The following CTSB variants were observed in gnomAD, a reference collection of about 807,000 sequenced individuals.
CTSB encodes the protein APP secretase.
A neutral mutation model predicts 44.3 loss-of-function variants in CTSB; 57 were observed. That is an observed-to-expected ratio of 1.29 (90% confidence interval 1.04 to 1.60). The LOEUF (loss-of-function observed/expected upper bound fraction) is 1.60. CTSB is among the 40% of genes most tolerant of loss of function. The pLI, the probability that CTSB is intolerant of heterozygous loss-of-function variation, is 0.00. For missense variants in CTSB, 768 were observed against 443.0 expected, an observed-to-expected ratio of 1.73 and a Z score of -6.59; for synonymous variants, 320 against 168.0, an observed-to-expected ratio of 1.91 and a Z score of -7.00.
At position 11,844,764 on chromosome 8, in the gene CTSB, G is replaced by A. The variant is rs759983405; in HGVS notation, c.*361C>T. The A allele has an allele frequency of 4.0e-5, 8 of 202,014 alleles. No individual in the cohort carries two copies. The East Asian group carries it at 6.9e-4, about 17-fold the overall frequency. 12.5% of individuals were successfully genotyped at this position (202,014 alleles called of 1,614,324 possible). A position where few individuals can be genotyped will look rare whatever the true frequency, so the allele number is the denominator to read the frequency against. ...TGGAGGTACTGGGGGAACTGATGGG[G>A]GAACTTTCATCCTGTTAGGAACTCC... On this transcript the variant is annotated 3_prime_UTR_variant, in exon 10 of 10. Transcript: ENST00000353047.
At chr8:11,847,979 C>G in intron 6 of CTSB, 88 bp downstream of exon 6, 1 of 1,369,984 alleles carries the variant, frequency 7.3e-7, no homozygotes. Context: ...CTGTCTCAAC[C>G]CCCAGTTTAT....
At position 11,868,023 on chromosome 8, in the gene CTSB, G is replaced by C. The variant is rs1395361945; in HGVS notation, c.-48C>G. On this transcript the variant is annotated 5_prime_UTR_variant, in exon 1 of 10. Transcript: ENST00000353047. ...CACCCAGCGCTGCAGCCGAGAGCCT[G>C]CAGCCCAGCCTGCGCGCAGCGGAGC... 6.6e-6 allele frequency: 1 copy of C among 152,618 alleles called. No individual in the cohort carries two copies. The highest frequency in any genetic ancestry group is 1.5e-5 in the Non-Finnish European group (1 of 68,422). 9.5% of individuals were successfully genotyped at this position (152,618 alleles called of 1,614,324 possible).
At chr8:11,848,927 C>A (rs1813981697) in intron 5 of CTSB, 119 bp downstream of exon 5, 4 of 702,502 alleles carry the variant, frequency 5.7e-6, no homozygotes, top group Non-Finnish European at 9.7e-6. Context: ...CTCGGAGTCT[C>A]CCCGAAACAC....
At chr8:11,847,546 A>C (rs1586095299) in intron 7 of CTSB, 133 bp downstream of exon 7, 2 of 974,544 alleles carry the variant, frequency 2.1e-6, no homozygotes, top group East Asian at 2.6e-5. Context: ...AGAGGGCATC[A>C]CTCCCCCTCC....
intron 1 of CTSB, chr8:11,861,348 C>G (rs1029932026): frequency 3.3e-5 from 5 of 152,550 alleles, no homozygotes; most frequent in African/African-American, 1.2e-4. Context: ...AAGCCCCACT[C>G]CACCTCCCTC....
intron 1 of CTSB, chr8:11,864,443 G>A (rs1386044593): frequency 6.6e-6 from 1 of 151,928 alleles, no homozygotes; most frequent in African/African-American, 2.4e-5. Context: ...GTGAGCCGTG[G>A]TCGCACCACT....
At chr8:11,855,690 G>A (rs1224622509) in intron 1 of CTSB, among the ~76,000 whole-genome samples, 1 of 152,076 alleles carries the variant, frequency 6.6e-6, no homozygotes, top group Admixed American at 6.6e-5. Flanking sequence ...AATGGAACCA[G>A]CATAATAGAA....
At chr8:11,858,225 C>G (rs1815842305) in intron 1 of CTSB, among the ~76,000 whole-genome samples, 1 of 152,258 alleles carries the variant, frequency 6.6e-6, no homozygotes, top group Non-Finnish European at 1.5e-5. Context: ...ACACTTCTAG[C>G]TCTCAGTTCA....
At chr8:11,855,912 G>A (rs1055544915) in intron 1 of CTSB, among the ~76,000 whole-genome samples, 1 of 152,062 alleles carries the variant, frequency 6.6e-6, no homozygotes, top group Admixed American at 6.6e-5. Context: ...CAGCTACTTG[G>A]GAGGCTGAGA....
intron 6 of CTSB, 54 bp from the exon 7 acceptor site, chr8:11,847,876 C>G: frequency 3.2e-6 from 5 of 1,543,694 alleles, no homozygotes; most frequent in South Asian, 2.5e-5. Context: ...CGGAGAAGAC[C>G]TGGGGCAAGG....
In CTSB at chr8:11,850,693, C is replaced by T. The variant is rs567675676; in HGVS notation, c.327+173G>A. On this transcript the variant is annotated intron_variant, in intron 4 of 9. Coordinates refer to ENST00000353047, the MANE Select transcript of CTSB (RefSeq NM_001908.5). ...TCTGCCCGCCACTCCACCTAATCCT[C>T]GCCATCATTCATGGCCAGAGGGATT... is the stretch of plus-strand genomic sequence containing the variant. 4.0e-4 allele frequency: 204 copies of T among 510,512 alleles called. 1 individual carries two copies. Among genetic ancestry groups the T allele is most frequent in the African/African-American group, 3.7e-3 (191 of 52,284 alleles). The allele number at this position is 510,512 out of a possible 1,614,324, so 31.6% of individuals were successfully genotyped here.
chr8:11,849,336 G>C (rs968067291), intron 4 of CTSB, 172 bp from the exon 5 acceptor site: 2 of 512,142 alleles, frequency 3.9e-6, no homozygotes, highest in South Asian at 4.1e-5. Flanking sequence ...GGTAGAAATG[G>C]GGTCTTGCTA....
rs1419109743 is a variant in CTSB at position 11,868,050 on chromosome 8, G to C, written c.-75C>G. ...AGCCCAGCCTGCGCGCAGCGGAGCG[G>C]TTGGCGTTGCCGGAGCGGTTGCCGG... On this transcript the variant is annotated 5_prime_UTR_variant, in exon 1 of 10. Coordinates refer to ENST00000353047, the MANE Select transcript of CTSB (RefSeq NM_001908.5). 6.6e-6 allele frequency: 1 copy of C among 152,602 alleles called. No homozygotes were observed. The highest frequency in any genetic ancestry group is 1.5e-5 in the Non-Finnish European group (1 of 68,482). The allele number at this position is 152,602 out of a possible 1,614,324, so 9.5% of individuals were successfully genotyped here.
chr8:11,850,775 C>T, intron 4 of CTSB, 91 bp downstream of exon 4: 1 of 823,848 alleles, frequency 1.2e-6, no homozygotes, highest in Non-Finnish European at 1.9e-6. Context: ...CTTGCCTTGT[C>T]AGAGTTGTCC....
Position 11,842,862 on chromosome 8 carries a change from C to G in CTSB, c.*2263G>C, listed in dbSNP as rs1194246075. ...TGTTGCCAAGGCTGATCTCAAAACT[C>G]CTGACCTCAGGTGATCTGCCCGCCT... On this transcript the variant is annotated 3_prime_UTR_variant, in exon 10 of 10. Transcript: ENST00000353047. The G allele has an allele frequency of 6.6e-6, 1 of 151,000 alleles. No homozygotes were observed. 9.4% of individuals were successfully genotyped at this position (151,000 alleles called of 1,614,324 possible). A position where few individuals can be genotyped will look rare whatever the true frequency, so the allele number is the denominator to read the frequency against.
chr8:11,858,930 A>G (rs1362451034), intron 1 of CTSB, among the ~76,000 whole-genome samples: 1 of 152,100 alleles, frequency 6.6e-6, no homozygotes, highest in Non-Finnish European at 1.5e-5. Context: ...TCTGCTTCTT[A>G]CAAGAGATGA....
intron 4 of CTSB, chr8:11,849,554 G>GT: frequency 6.1e-6 from 1 of 162,946 alleles, no homozygotes; most frequent in African/African-American, 2.4e-5. Flanking sequence ...AAAATGTGTA[G>GT]TATTAGTTTG....
chr8:11,848,389 G>C (rs1328017652), intron 5 of CTSB: 1 of 650,524 alleles, frequency 1.5e-6, no homozygotes, highest in South Asian at 1.5e-5. Context: ...GAAGACAGGA[G>C]GCTCTCCTGT....
At position 11,844,278 on chromosome 8, in the gene CTSB, T is replaced by A. The variant is rs577676384; in HGVS notation, c.*847A>T. ...AAGAGAGACAGCAGCTACAAGTCTA[T>A]AGGCAGTGACAAAGGATCTGAGATC... On this transcript the variant is annotated 3_prime_UTR_variant, in exon 10 of 10. Coordinates refer to ENST00000353047, the MANE Select transcript of CTSB (RefSeq NM_001908.5). The A allele has an allele frequency of 1.3e-5, 2 of 152,238 alleles. No homozygotes were observed. Among genetic ancestry groups the A allele is most frequent in the East Asian group, 3.8e-4 (2 of 5,204 alleles). 9.4% of individuals were successfully genotyped at this position (152,238 alleles called of 1,614,324 possible).
Sources: allele counts gnomAD v4.1 joint callset (sites outside exome capture counted in the v4.1 genomes callset), GRCh38; gene constraint gnomAD v4.1.1; transcripts MANE v1.5; gene names NCBI Gene and HGNC (gene_info 2026-07-23, HGNC 2026-07-21).